PODXL2: variants seen among roughly 807,000 people sequenced by gnomAD.
PODXL2 encodes the protein podocalyxin like 2, also known as podocalyxin-like protein 2.
In PODXL2, 17 loss-of-function variants were observed where a neutral mutation model predicts 53.4. The observed-to-expected ratio is 0.32, with a 90% CI of 0.22 to 0.48. The LOEUF (loss-of-function observed/expected upper bound fraction) is 0.48. Ranked by LOEUF, PODXL2 falls within the 20% of genes least tolerant of loss-of-function variation. The probability of loss-of-function intolerance (pLI) is 0.99; values close to 1 mark genes in which losing one functional copy is unlikely to be tolerated. For missense variants in PODXL2, 673 were observed against 760.0 expected, an observed-to-expected ratio of 0.89 and a Z score of 1.35; for synonymous variants, 311 against 306.7, an observed-to-expected ratio of 1.01 and a Z score of -0.15.
At chr3:127,649,859 C>T (rs531053682) in intron 2 of PODXL2, among the ~76,000 whole-genome samples, 11 of 152,288 alleles carry the variant, frequency 7.2e-5, no homozygotes, top group African/African-American at 1.9e-4. Flanking sequence ...ATTGCTTGAA[C>T]GCAGGAGACA....
chr3:127,630,298 G>A (rs888142226), intron 1 of PODXL2, among the ~76,000 whole-genome samples: 1 of 152,200 alleles, frequency 6.6e-6, no homozygotes, highest in African/African-American at 2.4e-5. Flanking sequence ...TGTGACTGGT[G>A]CTGCTGGAGG....
At chr3:127,659,534 TA>T (rs1302158238) in intron 2 of PODXL2, among the ~76,000 whole-genome samples, 1 of 152,148 alleles carries the variant, frequency 6.6e-6, no homozygotes, top group African/African-American at 2.4e-5. Flanking sequence ...TGGCAGCCAA[TA>T]AAAGTTGCTT....
chr3:127,634,133 A>AAAAGACCTC (rs1323968255), intron 1 of PODXL2, among the ~76,000 whole-genome samples: 2 of 152,088 alleles, frequency 1.3e-5, no homozygotes, highest in Non-Finnish European at 2.9e-5. Flanking sequence ...TTGCATTTTA[A>AAAAGACCTC]AAAGACCTCT....
chr3:127,667,686 C>T (rs191162632), intron 4 of PODXL2, among the ~76,000 whole-genome samples: 2 of 152,340 alleles, frequency 1.3e-5, no homozygotes, highest in East Asian at 1.9e-4. Flanking sequence ...TGGAATTACA[C>T]GTACACATGG....
In PODXL2 at chr3:127,672,587, C is replaced by G. The variant is rs1033855214; in HGVS notation, c.*107C>G. On this transcript the variant is annotated 3_prime_UTR_variant, in exon 8 of 8. Coordinates refer to ENST00000342480, the MANE Select transcript of PODXL2 (RefSeq NM_015720.4). ...GCCCCGCGCCTACCCGGGCCGCCCCCGCGGCCTGGCCCTCGGCGCGGGCTC... is the reference window on the plus strand; with the variant it reads ...GCCCCGCGCCTACCCGGGCCGCCCCGGCGGCCTGGCCCTCGGCGCGGGCTC... 1.1e-5 allele frequency: 8 copies of G among 696,554 alleles called. No individual in the cohort carries two copies. The Admixed American group carries it at 3.4e-4, about 29-fold the overall frequency. 43.1% of individuals were successfully genotyped at this position (696,554 alleles called of 1,614,324 possible).
In PODXL2 at chr3:127,638,374, A is replaced by C. The variant is rs77129073; in HGVS notation, c.71-871A>C. On this transcript the variant is annotated intron_variant, in intron 1 of 7. Transcript: ENST00000342480. ...TTCTAAACAAATATGTCAAATTACC[A>C]GCACTGGGTTGAGTTTGAACTGTGA... 2.4e-3 allele frequency among the ~76,000 whole-genome samples: 363 copies of C among 152,348 alleles called. 2 individuals are homozygous for C. The highest frequency in any genetic ancestry group is 8.4e-3 in the African/African-American group (349 of 41,580).
At chr3:127,648,714 C>G (rs1472330892) in intron 2 of PODXL2, among the ~76,000 whole-genome samples, 1 of 149,324 alleles carries the variant, frequency 6.7e-6, no homozygotes, top group Non-Finnish European at 1.5e-5. Flanking sequence ...TGCATGGGTT[C>G]AAGTGATTCT....
At chr3:127,646,961 A>G (rs1256964970) in intron 2 of PODXL2, among the ~76,000 whole-genome samples, 1 of 152,126 alleles carries the variant, frequency 6.6e-6, no homozygotes, top group East Asian at 1.9e-4. Context: ...TTTGTCATAC[A>G]TCCCATTTCT....
At chr3:127,638,693 C>T (rs192355821) in intron 1 of PODXL2, among the ~76,000 whole-genome samples, 54 of 151,728 alleles carry the variant, frequency 3.6e-4, no homozygotes, top group Admixed American at 1.4e-3. Flanking sequence ...CCAGCCTGGG[C>T]GACAGAGCAA....
At chr3:127,643,401 G>A (rs1367249061) in intron 2 of PODXL2, among the ~76,000 whole-genome samples, 2 of 151,690 alleles carry the variant, frequency 1.3e-5, no homozygotes, top group African/African-American at 4.8e-5. Context: ...GTAGAGATGG[G>A]ATTTCACTAT....
In PODXL2 at chr3:127,639,450, G is replaced by T. The variant is rs778880613; in HGVS notation, c.276G>T (p.Leu92=). 6.2e-7 allele frequency: 1 copy of T among 1,614,158 alleles called. No individual in the cohort carries two copies. Among genetic ancestry groups the T allele is most frequent in the Non-Finnish European group, 8.5e-7 (1 of 1,180,058 alleles). ...PSEENEESRI[L]QPPQYFWEEE... is the part of the protein sequence containing the mutation. The stretch of plus-strand genomic sequence containing the variant: ...AAGAGAATGAAGAGTCTCGGATTCT[G>T]CAGCCACCACAGTACTTCTGGGAAG... The change falls in exon 2 of 8, where the codon CTG becomes CTT. Residue 92 remains leucine (L), a synonymous_variant. Transcript: ENST00000342480.
chr3:127,640,782 G>A (rs2074613259), intron 2 of PODXL2, among the ~76,000 whole-genome samples: 1 of 152,144 alleles, frequency 6.6e-6, no homozygotes, highest in Admixed American at 6.5e-5. Flanking sequence ...GTAGTTTGGG[G>A]ATACATTGTT....
At chr3:127,666,077 A>G (rs1020059951) in intron 4 of PODXL2, 1 of 252,930 alleles carries the variant, frequency 4.0e-6, no homozygotes, top group Middle Eastern at 9.6e-4. Context: ...ATGCATGTAC[A>G]CATATTAAAA....
rs9855574 is a variant in PODXL2, at chr3:127,642,931, C to T, written c.349+3408C>T. 5.2e-3 allele frequency among the ~76,000 whole-genome samples: 791 copies of T among 152,232 alleles called. 6 individuals carry two copies. The highest frequency in any genetic ancestry group is 0.017 in the African/African-American group (722 of 41,534). On this transcript the variant is annotated intron_variant, in intron 2 of 7. Transcript: ENST00000342480. ...CTAGGAAATGGAGATAATTATATAC[C>T]TACCTCACAGGGTTGTGAGGTTCAC...
At chr3:127,654,998 A>C (rs1011003470) in intron 2 of PODXL2, among the ~76,000 whole-genome samples, 16 of 151,730 alleles carry the variant, frequency 1.1e-4, no homozygotes, top group Admixed American at 6.6e-4. Flanking sequence ...GCTGGAGTGC[A>C]GTGGTGCAAT....
At chr3:127,647,073 G>C (rs934564810) in intron 2 of PODXL2, among the ~76,000 whole-genome samples, 1 of 152,136 alleles carries the variant, frequency 6.6e-6, no homozygotes, top group African/African-American at 2.4e-5. Flanking sequence ...TCTGCTTGGT[G>C]GATAATGAGC....
At position 127,672,774 on chromosome 3, in the gene PODXL2, C is replaced by T. The variant is rs2074865586; in HGVS notation, c.*294C>T. On this transcript the variant is annotated 3_prime_UTR_variant, in exon 8 of 8. Coordinates refer to ENST00000342480, the MANE Select transcript of PODXL2 (RefSeq NM_015720.4). The stretch of plus-strand genomic sequence containing the variant: ...TCCTGCGCCCCGGGACTCAATTAAA[C>T]CCGCCCGGAGACCACGCCGGGCCCA... 2.7e-6 allele frequency: 1 copy of T among 367,580 alleles called. No individual in the cohort carries two copies. Among genetic ancestry groups the T allele is most frequent in the Non-Finnish European group, 4.7e-6 (1 of 211,218 alleles). 22.8% of individuals were successfully genotyped at this position (367,580 alleles called of 1,614,324 possible).
At chr3:127,641,683 T>C (rs1001257148) in intron 2 of PODXL2, among the ~76,000 whole-genome samples, 5 of 151,828 alleles carry the variant, frequency 3.3e-5, no homozygotes, top group African/African-American at 1.2e-4. Context: ...CCGAATAATT[T>C]TGTATTTTTT....
Position 127,672,485 on chromosome 3 carries a change from AGCCGAGGCGCAG to A in PODXL2, c.*12_*23del, listed in dbSNP as rs2074857523. 1 of 1,484,288 alleles carries A rather than the reference AGCCGAGGCGCAG, an allele frequency of 6.7e-7. No individual in the cohort carries two copies. Among genetic ancestry groups the A allele is most frequent in the Non-Finnish European group, 8.9e-7 (1 of 1,117,812 alleles). The allele number at this position is 1,484,288 out of a possible 1,614,324, so 91.9% of individuals were successfully genotyped here. On this transcript the variant is annotated 3_prime_UTR_variant, in exon 8 of 8. Coordinates refer to ENST00000342480, the MANE Select transcript of PODXL2 (RefSeq NM_015720.4). ...GAGGAGGACACGCACCTGTGAGCGC[AGCCGAGGCGCAG>A]GCCGAGTGGGCCGCCAGGACCAAGC...
Sources: gnomAD v4.1 joint callset for allele counts (sites outside exome capture counted in the v4.1 genomes callset) on GRCh38, gnomAD v4.1.1 for gene constraint, MANE v1.5 for transcripts, NCBI Gene and HGNC (gene_info 2026-07-23, HGNC 2026-07-21) for gene names.